The following PTBP2 variants were observed in gnomAD, a reference collection of about 807,000 sequenced individuals.
The protein encoded by PTBP2 is polypyrimidine tract binding protein 2.
A neutral mutation model predicts 61.4 loss-of-function variants in PTBP2; 13 were observed. That is an observed-to-expected ratio of 0.21 (90% CI 0.14 to 0.34). The LOEUF (loss-of-function observed/expected upper bound fraction) is 0.34, where lower values mean the gene tolerates loss of function less well. Among genes scored for constraint, PTBP2 ranks in the 10% least tolerant of loss-of-function variants. The probability of loss-of-function intolerance (pLI) is 1.00; values close to 1 mark genes in which losing one functional copy is unlikely to be tolerated. For synonymous variants in PTBP2, 215 were observed against 218.5 expected, an observed-to-expected ratio of 0.98 and a Z score of 0.14; for missense variants, 405 against 642.6, an observed-to-expected ratio of 0.63 and a Z score of 4.00.
chr1:96,744,091 T>TGA (rs1392536383), intron 2 of PTBP2, among the ~76,000 whole-genome samples: 1 of 151,570 alleles, frequency 6.6e-6, no homozygotes, highest in African/African-American at 2.4e-5. Flanking sequence ...CTCGGGAGGC[T>TGA]GAGGCAGAAA....
intron 2 of PTBP2, among the ~76,000 whole-genome samples, chr1:96,724,663 A>T (rs1032541): frequency 0.31 from 42,501 of 135,124 alleles, 6,883 homozygotes; most frequent in East Asian, 0.47. Flanking sequence ...AATTCTTAAA[A>T]TTGTATCCAT....
In PTBP2 at chr1:96,814,859, C is replaced by T. The variant is rs966904465; in HGVS notation, c.*1454C>T. On this transcript the variant is annotated 3_prime_UTR_variant, in exon 14 of 14. Transcript: ENST00000674951. ...ACTCTGCTTACCCCTGTAGCATGCT[C>T]AATAAACACTTCTGTAGCTCTATAT... 5 of 152,514 alleles carry T rather than the reference C, an allele frequency of 3.3e-5. No homozygotes were observed. The highest frequency in any genetic ancestry group is 3.3e-4 in the Admixed American group (5 of 15,252). The allele number at this position is 152,514 out of a possible 1,614,324, so 9.4% of individuals were successfully genotyped here.
intron 2 of PTBP2, chr1:96,749,662 CA>C (rs1654290013): frequency 4.4e-6 from 2 of 455,430 alleles, no homozygotes; most frequent in South Asian, 3.1e-5. Context: ...GAACAAAGGC[CA>C]AAAAATATGT....
At chr1:96,764,425 T>C (rs562807932) in intron 3 of PTBP2, among the ~76,000 whole-genome samples, 1 of 152,356 alleles carries the variant, frequency 6.6e-6, no homozygotes, top group African/African-American at 2.4e-5. Context: ...GTACAGTCTC[T>C]TTAATTTTCT....
At chr1:96,798,649 AAATGT>A (rs1660636623) in intron 8 of PTBP2, among the ~76,000 whole-genome samples, 1 of 152,234 alleles carries the variant, frequency 6.6e-6, no homozygotes, top group Non-Finnish European at 1.5e-5. Flanking sequence ...CAAGATGATT[AAATGT>A]AATAGGAGAT....
At chr1:96,784,758 C>G (rs1288642500) in intron 7 of PTBP2, among the ~76,000 whole-genome samples, 2 of 151,870 alleles carry the variant, frequency 1.3e-5, no homozygotes, top group Non-Finnish European at 2.9e-5. Context: ...GTTTGTGATC[C>G]TTATTAGTTT....
chr1:96,758,300 T>G (rs1422365820), intron 3 of PTBP2, among the ~76,000 whole-genome samples: 1 of 152,066 alleles, frequency 6.6e-6, no homozygotes, highest in Non-Finnish European at 1.5e-5. Flanking sequence ...TCCACAAAGA[T>G]TACTCTAGTC....
intron 7 of PTBP2, among the ~76,000 whole-genome samples, chr1:96,779,997 A>G (rs186491630): frequency 9.5e-4 from 145 of 152,110 alleles, no homozygotes; most frequent in African/African-American, 3.4e-3. Context: ...CACAATGCCT[A>G]TGTCAGATAG....
At chr1:96,762,375 G>T (rs1656013755) in intron 3 of PTBP2, among the ~76,000 whole-genome samples, 1 of 150,352 alleles carries the variant, frequency 6.7e-6, no homozygotes, top group Non-Finnish European at 1.5e-5. Context: ...TCCCGGATGG[G>T]GCGGCTGGCC....
At chr1:96,796,926 A>G (rs1028753320) in intron 8 of PTBP2, among the ~76,000 whole-genome samples, 1 of 152,218 alleles carries the variant, frequency 6.6e-6, no homozygotes, top group African/African-American at 2.4e-5. Context: ...AAAGAGACAG[A>G]GGAAAGAAAA....
chr1:96,803,996 C>G (rs989039798), intron 8 of PTBP2, among the ~76,000 whole-genome samples: 1 of 151,930 alleles, frequency 6.6e-6, no homozygotes, highest in African/African-American at 2.4e-5. Flanking sequence ...GGTGCTAACA[C>G]AAAAGGGAAT....
intron 2 of PTBP2, among the ~76,000 whole-genome samples, chr1:96,744,969 A>G (rs985621627): frequency 6.6e-6 from 1 of 152,126 alleles, no homozygotes; most frequent in African/African-American, 2.4e-5. Context: ...GTCCTCTCAC[A>G]AATGTATCCC....
At chr1:96,815,212 A>G (rs1342951769), downstream of PTBP2, 4 of 140,924 alleles carry the variant, frequency 2.8e-5, no homozygotes, top group Admixed American at 7.1e-5. Flanking sequence ...TTTTTTTTCC[A>G]GTAGATTTAT....
intron 2 of PTBP2, chr1:96,749,797 A>G (rs1654309429): frequency 2.7e-6 from 1 of 365,046 alleles, no homozygotes; most frequent in African/African-American, 2.1e-5. Flanking sequence ...CCTGGTAATC[A>G]CTGTTCGTGT....
In PTBP2 at chr1:96,790,958, G is replaced by A. The variant is rs180786283; in HGVS notation, c.904+5704G>A. The stretch of plus-strand genomic sequence containing the variant: ...ATAAAACAAAGACCAGGATACATTC[G>A]TATTTTATCGGTAAATACCAATAGA... On this transcript the variant is annotated intron_variant, in intron 8 of 13. Transcript: ENST00000674951. Among the ~76,000 whole-genome samples, 484 of 151,798 alleles carry A rather than the reference G, an allele frequency of 3.2e-3. 3 individuals are homozygous for A. The highest frequency in any genetic ancestry group is 0.01 in the African/African-American group (431 of 41,360).
intron 2 of PTBP2, among the ~76,000 whole-genome samples, chr1:96,728,933 G>T (rs1239656292): frequency 6.7e-6 from 1 of 149,426 alleles, no homozygotes; most frequent in East Asian, 2.0e-4. Context: ...ATTTCCAATT[G>T]TTTGCTAGTG....
At chr1:96,744,773 T>C (rs763340363) in intron 2 of PTBP2, among the ~76,000 whole-genome samples, 1 of 152,234 alleles carries the variant, frequency 6.6e-6, no homozygotes, top group Admixed American at 6.5e-5. Context: ...ATTTTGATTA[T>C]GGTTTGATCA....
At chr1:96,782,347 A>G (rs1557748577) in intron 7 of PTBP2, among the ~76,000 whole-genome samples, 1 of 152,052 alleles carries the variant, frequency 6.6e-6, no homozygotes. Flanking sequence ...TTGCAGCAGT[A>G]AGATTATGTC....
intron 2 of PTBP2, among the ~76,000 whole-genome samples, chr1:96,748,369 A>G (rs1202559013): frequency 6.6e-6 from 1 of 152,236 alleles, no homozygotes; most frequent in Non-Finnish European, 1.5e-5. Context: ...CATGAGAATA[A>G]AAAACAAGAA....
Sources: gnomAD v4.1 joint callset for allele counts (sites outside exome capture counted in the v4.1 genomes callset) on GRCh38, gnomAD v4.1.1 for gene constraint, MANE v1.5 for transcripts, NCBI Gene and HGNC (gene_info 2026-07-23, HGNC 2026-07-21) for gene names.